Variants in SEMA3A observed in about 807,000 individuals in gnomAD.
The protein encoded by SEMA3A is semaphorin 3A, also known as semaphorin-3A.
In SEMA3A, 29 loss-of-function variants were observed where a neutral mutation model predicts 97.9. The ratio of observed to expected loss-of-function variants is 0.30; its 90% CI spans 0.22 to 0.40. SEMA3A has a LOEUF of 0.40. Among genes scored for constraint, SEMA3A ranks in the 10% least tolerant of loss-of-function variants. The probability of loss-of-function intolerance (pLI) is 1.00; values close to 1 mark genes in which losing one functional copy is unlikely to be tolerated. For missense variants in SEMA3A, 763 were observed against 951.3 expected (o/e 0.80, Z 2.60); for synonymous variants, 321 against 323.7 (o/e 0.99, Z 0.09).
intron 2 of SEMA3A, among the ~76,000 whole-genome samples, chr7:84,324,644 C>T (rs1469989995): frequency 2.0e-5 from 3 of 151,910 alleles, no homozygotes; most frequent in Admixed American, 2.0e-4. Context: ...TTAACTTTAA[C>T]AAGAAAATTC....
intron 2 of SEMA3A, among the ~76,000 whole-genome samples, chr7:84,316,010 G>T (rs1177934300): frequency 6.7e-6 from 1 of 149,594 alleles, no homozygotes; most frequent in African/African-American, 2.5e-5. Context: ...TTTAGAAAAA[G>T]AATGGGAGCA....
chr7:84,423,344 C>G (rs1408611834), intron 1 of SEMA3A, among the ~76,000 whole-genome samples: 15 of 152,064 alleles, frequency 9.9e-5, no homozygotes, highest in Non-Finnish European at 1.9e-4. Flanking sequence ...TGCAGTCCCA[C>G]TGATATCCTT....
In SEMA3A at chr7:83,999,751, A is replaced by AAGAG. The variant is rs1437752301; in HGVS notation, c.1452+2200_1452+2203dup. Reference sequence around the variant, plus strand: ...AAGGAACCATGACAAATACAGAAGTAAGAGACTCTGGAAATTAGAAATTCT... The same window carrying AAGAG: ...AAGGAACCATGACAAATACAGAAGTAAGAGAGAGACTCTGGAAATTAGAAATTCT... On this transcript the variant is annotated intron_variant, in intron 12 of 16. Coordinates refer to ENST00000265362, the MANE Select transcript of SEMA3A (RefSeq NM_006080.3). 2.6e-5 allele frequency among the ~76,000 whole-genome samples: 4 copies of AAGAG among 152,258 alleles called. No individual in the cohort carries two copies. The East Asian group carries it at 5.8e-4, about 22-fold the overall frequency.
At chr7:84,268,605 C>T (rs1421512363) in intron 3 of SEMA3A, among the ~76,000 whole-genome samples, 3 of 151,926 alleles carry the variant, frequency 2.0e-5, no homozygotes, top group South Asian at 2.1e-4. Context: ...ATTTCCTTGA[C>T]GTTCCTAGCA....
At chr7:84,065,386 A>C (rs1487299111) in intron 4 of SEMA3A, among the ~76,000 whole-genome samples, 2 of 147,462 alleles carry the variant, frequency 1.4e-5, no homozygotes, top group Non-Finnish European at 3.0e-5. Context: ...AAACACATTC[A>C]AAAGCTAGCA....
chr7:84,099,511 A>G (rs1194760839), intron 4 of SEMA3A, among the ~76,000 whole-genome samples: 1 of 152,160 alleles, frequency 6.6e-6, no homozygotes, highest in Non-Finnish European at 1.5e-5. Flanking sequence ...AACTTTGCCT[A>G]TAGTAGCTTA....
chr7:84,283,472 C>A (rs1800500740), intron 3 of SEMA3A, among the ~76,000 whole-genome samples: 1 of 151,912 alleles, frequency 6.6e-6, no homozygotes, highest in South Asian at 2.1e-4. Context: ...TGATTCTTTT[C>A]CAGTGCTCTC....
chr7:84,094,388 A>G (rs973578723), intron 4 of SEMA3A, among the ~76,000 whole-genome samples: 2 of 151,906 alleles, frequency 1.3e-5, no homozygotes, highest in Non-Finnish European at 2.9e-5. Context: ...GCTTTCCTGA[A>G]CTTAAAGTAC....
chr7:84,120,743 G>A (rs1355565971), intron 3 of SEMA3A, among the ~76,000 whole-genome samples: 2 of 151,990 alleles, frequency 1.3e-5, no homozygotes, highest in African/African-American at 2.4e-5. Context: ...AATTGTAATC[G>A]ATATTTTCAA....
chr7:84,064,947 C>A (rs1793418300), intron 4 of SEMA3A, among the ~76,000 whole-genome samples: 1 of 152,232 alleles, frequency 6.6e-6, no homozygotes, highest in South Asian at 2.1e-4. Context: ...AACTCTCCAC[C>A]CCAAATCAAC....
chr7:84,465,198 A>G (rs1805958485), intron 1 of SEMA3A, among the ~76,000 whole-genome samples: 1 of 152,204 alleles, frequency 6.6e-6, no homozygotes, highest in African/African-American at 2.4e-5. Flanking sequence ...ATTATATACA[A>G]CCAGTGTTTT....
At chr7:84,023,172 G>A (rs897630842) in intron 6 of SEMA3A, among the ~76,000 whole-genome samples, 1 of 152,178 alleles carries the variant, frequency 6.6e-6, no homozygotes, top group African/African-American at 2.4e-5. Flanking sequence ...TACACTTAAT[G>A]AAAATGACAC....
intron 1 of SEMA3A, among the ~76,000 whole-genome samples, chr7:84,459,403 C>G (rs764247093): frequency 6.6e-6 from 1 of 152,124 alleles, no homozygotes; most frequent in African/African-American, 2.4e-5. Flanking sequence ...AAAGTAGTAA[C>G]GATGAGTTGC....
At chr7:84,193,276 C>G (rs1270378002) in intron 1 of SEMA3A, among the ~76,000 whole-genome samples, 1 of 151,926 alleles carries the variant, frequency 6.6e-6, no homozygotes, top group Non-Finnish European at 1.5e-5. Flanking sequence ...ATTTGAGATC[C>G]TCATTCACAC....
chr7:84,059,605 A>AT (rs1348318414), intron 5 of SEMA3A, among the ~76,000 whole-genome samples: 3 of 151,892 alleles, frequency 2.0e-5, no homozygotes, highest in African/African-American at 7.2e-5. Context: ...GAAAAGTTTC[A>AT]TTTTGTTGTG....
At chr7:84,008,216 G>A (rs533244852) in intron 9 of SEMA3A, among the ~76,000 whole-genome samples, 4 of 152,272 alleles carry the variant, frequency 2.6e-5, no homozygotes, top group African/African-American at 4.8e-5. Context: ...TTATGGCAGG[G>A]CGCGGTGGCT....
chr7:84,208,217 C>T (rs1399966181), intron 3 of SEMA3A, among the ~76,000 whole-genome samples: 2 of 152,026 alleles, frequency 1.3e-5, no homozygotes, highest in Non-Finnish European at 2.9e-5. Context: ...CTTTGGGAGG[C>T]CAAGGGGGGC....
chr7:84,033,931 G>A (rs1791850197), intron 6 of SEMA3A, among the ~76,000 whole-genome samples: 1 of 151,766 alleles, frequency 6.6e-6, no homozygotes, highest in Admixed American at 6.6e-5. Flanking sequence ...CAGATCTTTG[G>A]TTTGTGAACT....
intron 3 of SEMA3A, among the ~76,000 whole-genome samples, chr7:84,297,988 G>A (rs1800910275): frequency 6.6e-6 from 1 of 152,078 alleles, no homozygotes; most frequent in Non-Finnish European, 1.5e-5. Flanking sequence ...AATCTCTCCT[G>A]TATTAAACCT....
Sources: allele counts gnomAD v4.1 joint callset (sites outside exome capture counted in the v4.1 genomes callset), GRCh38; gene constraint gnomAD v4.1.1; transcripts MANE v1.5; gene names NCBI Gene and HGNC (gene_info 2026-07-23, HGNC 2026-07-21).